MRTFA: variants seen among roughly 807,000 people sequenced by gnomAD.
The protein encoded by MRTFA is myocardin-related transcription factor A.
MRTFA carries 20 observed loss-of-function variants against 83.5 expected under a neutral mutation model. The ratio of observed to expected loss-of-function variants is 0.24; its 90% CI spans 0.17 to 0.35. The LOEUF (loss-of-function observed/expected upper bound fraction) is 0.35. Among genes scored for constraint, MRTFA ranks in the 10% least tolerant of loss-of-function variants. The probability of loss-of-function intolerance (pLI) is 1.00; values close to 1 mark genes in which losing one functional copy is unlikely to be tolerated. For synonymous variants in MRTFA, 659 were observed against 541.2 expected, an observed-to-expected ratio of 1.22 and a Z score of -3.02; for missense variants, 1,200 against 1,224.7, an observed-to-expected ratio of 0.98 and a Z score of 0.30.
chr22:40,585,134 C>A (rs1602462522), intron 2 of MRTFA, among the ~76,000 whole-genome samples: 1 of 152,160 alleles, frequency 6.6e-6, no homozygotes. Flanking sequence ...ATCACTTCTG[C>A]CGATCTGAAG....
intron 4 of MRTFA, among the ~76,000 whole-genome samples, chr22:40,447,115 G>C (rs2053393029): frequency 6.6e-6 from 1 of 152,040 alleles, no homozygotes; most frequent in African/African-American, 2.4e-5. Context: ...TAGCACTTTG[G>C]GAGGCCAAGG....
intron 7 of MRTFA, among the ~76,000 whole-genome samples, chr22:40,427,461 C>T (rs2052978898): frequency 6.6e-6 from 1 of 152,126 alleles, no homozygotes; most frequent in African/African-American, 2.4e-5. Flanking sequence ...CTGCCCAAAA[C>T]TAAAACTCAT....
intron 3 of MRTFA, among the ~76,000 whole-genome samples, chr22:40,540,518 G>C (rs544638569): frequency 6.6e-6 from 1 of 151,972 alleles, no homozygotes; most frequent in Non-Finnish European, 1.5e-5. Flanking sequence ...CAGGCAGCGC[G>C]GTGGCTCAAA....
intron 1 of MRTFA, among the ~76,000 whole-genome samples, chr22:40,595,732 T>C (rs796813548): frequency 5.2e-4 from 79 of 152,148 alleles, no homozygotes; most frequent in Middle Eastern, 3.4e-3. Flanking sequence ...GAGGAAGGCT[T>C]TACGTAAGAG....
chr22:40,487,772 A>G (rs1479610860), intron 3 of MRTFA, among the ~76,000 whole-genome samples: 1 of 152,208 alleles, frequency 6.6e-6, no homozygotes, highest in Non-Finnish European at 1.5e-5. Flanking sequence ...ACTGAATAAA[A>G]CTGAATTAGG....
At chr22:40,528,737 CAAAAAA>C (rs11321951) in intron 3 of MRTFA, among the ~76,000 whole-genome samples, 4 of 116,604 alleles carry the variant, frequency 3.4e-5, no homozygotes, top group Non-Finnish European at 5.4e-5. Context: ...AACTCTGCTT[CAAAAAA>C]AAAAAAAAAA....
intron 3 of MRTFA, among the ~76,000 whole-genome samples, chr22:40,500,345 T>A (rs954229745): frequency 1.5e-4 from 4 of 26,560 alleles, no homozygotes; most frequent in Non-Finnish European, 1.9e-4. Flanking sequence ...TTTTATTTTT[T>A]TTATTTTTTT....
At chr22:40,444,371 G>A (rs1472867860) in intron 4 of MRTFA, among the ~76,000 whole-genome samples, 1 of 152,090 alleles carries the variant, frequency 6.6e-6, no homozygotes, top group African/African-American at 2.4e-5. Context: ...GGAAAAAGAG[G>A]GTGGGGCTGA....
intron 5 of MRTFA, among the ~76,000 whole-genome samples, chr22:40,431,825 T>C (rs925449586): frequency 4.6e-5 from 7 of 152,286 alleles, no homozygotes; most frequent in Admixed American, 2.0e-4. Context: ...TAAAATAAAA[T>C]AAACTTTAAT....
rs200248836 is a variant in MRTFA, at chr22:40,540,902, T to C, written c.241+11204A>G. Among the ~76,000 whole-genome samples the C allele has an allele frequency of 5.3e-5, 8 of 152,138 alleles. No homozygotes were observed. The East Asian group carries it at 1.5e-3, about 29-fold the overall frequency. ...GTGTGCCAAGTGGAATGAAAAGCCC[T>C]TATTTATCACAGAAATTCAAATGGC... On this transcript the variant is annotated intron_variant, in intron 3 of 14. Transcript: ENST00000355630.
chr22:40,488,485 C>A (rs775990965), intron 3 of MRTFA, among the ~76,000 whole-genome samples: 9 of 152,096 alleles, frequency 5.9e-5, no homozygotes, highest in Non-Finnish European at 1.0e-4. Flanking sequence ...GAGTTTGAGT[C>A]CAGCCTGGGC....
intron 3 of MRTFA, among the ~76,000 whole-genome samples, chr22:40,521,287 A>G (rs1450616761): frequency 6.6e-6 from 1 of 152,160 alleles, no homozygotes; most frequent in Non-Finnish European, 1.5e-5. Flanking sequence ...AGGCCCTGAC[A>G]ATATGAAGAA....
At chr22:40,412,039 G>GT (rs2052561841) in intron 14 of MRTFA, 132 bp from the exon 15 acceptor site, 1 of 709,298 alleles carries the variant, frequency 1.4e-6, no homozygotes, top group East Asian at 3.0e-5. Flanking sequence ...TTACTTAAAT[G>GT]TAAGAGCTAA....
At chr22:40,457,481 A>AGAAAGAAG (rs879400143) in intron 4 of MRTFA, among the ~76,000 whole-genome samples, 3 of 138,942 alleles carry the variant, frequency 2.2e-5, no homozygotes, top group Middle Eastern at 3.4e-3. Flanking sequence ...AAAGAAAGAA[A>AGAAAGAAG]GAAAGAAGGA....
At chr22:40,619,334 T>C (rs2056491598) in intron 1 of MRTFA, among the ~76,000 whole-genome samples, 1 of 151,332 alleles carries the variant, frequency 6.6e-6, no homozygotes, top group Admixed American at 6.6e-5. Context: ...TTGGTAAAAA[T>C]ATGAATGTTA....
chr22:40,632,272 C>A (rs922999559), intron 1 of MRTFA, among the ~76,000 whole-genome samples: 51 of 152,260 alleles, frequency 3.3e-4, no homozygotes, highest in Admixed American at 2.9e-3. Context: ...ACTGCTACCT[C>A]AGCTGACATA....
At chr22:40,444,277 AG>A (rs2053335099) in intron 4 of MRTFA, among the ~76,000 whole-genome samples, 1 of 152,224 alleles carries the variant, frequency 6.6e-6, no homozygotes, top group Non-Finnish European at 1.5e-5. Flanking sequence ...AGACTGGAGA[AG>A]GGAAATAAAA....
intron 3 of MRTFA, among the ~76,000 whole-genome samples, chr22:40,506,039 C>G (rs886297512): frequency 1.3e-5 from 2 of 152,154 alleles, no homozygotes; most frequent in African/African-American, 4.8e-5. Flanking sequence ...CGAGACCATC[C>G]TGGCTAACAC....
chr22:40,603,512 G>A (rs2056283373), intron 1 of MRTFA, among the ~76,000 whole-genome samples: 1 of 152,098 alleles, frequency 6.6e-6, no homozygotes, highest in African/African-American at 2.4e-5. Flanking sequence ...ATATGCTTTT[G>A]ATAGTGAGTC....
Sources: gnomAD v4.1 joint callset for allele counts (sites outside exome capture counted in the v4.1 genomes callset) on GRCh38, gnomAD v4.1.1 for gene constraint, MANE v1.5 for transcripts, NCBI Gene and HGNC (gene_info 2026-07-23, HGNC 2026-07-21) for gene names.